RBFOX1: variants seen among roughly 807,000 people sequenced by gnomAD.
RBFOX1 encodes RNA binding fox-1 homolog 1, also known as RNA binding protein fox-1 homolog 1.
RBFOX1 carries 8 observed loss-of-function variants against 57.7 expected under a neutral mutation model. The ratio of observed to expected loss-of-function variants is 0.14; its 90% CI spans 0.08 to 0.25. RBFOX1 has a LOEUF of 0.25. RBFOX1 is among the 10% of genes least tolerant of loss of function. The probability of loss-of-function intolerance (pLI) is 1.00; values close to 1 mark genes in which losing one functional copy is unlikely to be tolerated. For synonymous variants in RBFOX1, 326 were observed against 222.4 expected (o/e 1.47, Z -4.15); for missense variants, 611 against 548.5 (o/e 1.11, Z -1.14).
At chr16:7,158,560 T>C (rs1025401792) in intron 4 of RBFOX1, among the ~76,000 whole-genome samples, 1 of 152,040 alleles carries the variant, frequency 6.6e-6, no homozygotes, top group African/African-American at 2.4e-5. Flanking sequence ...TCTATGTCTG[T>C]GTGGTGTGTG....
At chr16:6,826,855 G>T (rs765011911) in intron 3 of RBFOX1, among the ~76,000 whole-genome samples, 1 of 152,062 alleles carries the variant, frequency 6.6e-6, no homozygotes, top group Admixed American at 6.5e-5. Flanking sequence ...ATCCTCAAAC[G>T]CAGTTGGATG....
chr16:6,050,136 T>C (rs1596699978), intron 1 of RBFOX1, among the ~76,000 whole-genome samples: 2 of 152,176 alleles, frequency 1.3e-5, no homozygotes, highest in African/African-American at 4.8e-5. Flanking sequence ...TTTTTGTACT[T>C]TTTAATAGAG....
intron 4 of RBFOX1, among the ~76,000 whole-genome samples, chr16:7,342,360 G>A (rs2096914622): frequency 6.6e-6 from 1 of 152,142 alleles, no homozygotes; most frequent in East Asian, 1.9e-4. Flanking sequence ...TGGCATCCTG[G>A]CTCCTGTGTG....
At chr16:6,923,006 T>C (rs1342941957) in intron 3 of RBFOX1, among the ~76,000 whole-genome samples, 1 of 152,172 alleles carries the variant, frequency 6.6e-6, no homozygotes, top group Non-Finnish European at 1.5e-5. Context: ...CTTATAAATC[T>C]ATAGGCAGTG....
At chr16:6,394,046 A>G (rs1206449136) in intron 2 of RBFOX1, among the ~76,000 whole-genome samples, 6 of 152,172 alleles carry the variant, frequency 3.9e-5, no homozygotes, top group African/African-American at 7.2e-5. Context: ...CTTATTACCA[A>G]CATGCATAGC....
chr16:6,259,456 T>C (rs1427857234), intron 1 of RBFOX1, among the ~76,000 whole-genome samples: 1 of 152,178 alleles, frequency 6.6e-6, no homozygotes, highest in African/African-American at 2.4e-5. Flanking sequence ...GTGTCCACTT[T>C]CTTCTTTTAA....
intron 5 of RBFOX1, among the ~76,000 whole-genome samples, chr16:7,549,386 C>T (rs2085625560): frequency 6.6e-6 from 1 of 152,132 alleles, no homozygotes; most frequent in African/African-American, 2.4e-5. Context: ...AAGAGGAAGC[C>T]ACTAGAAAGT....
chr16:7,175,319 C>G (rs147909747), intron 4 of RBFOX1, among the ~76,000 whole-genome samples: 101 of 152,190 alleles, frequency 6.6e-4, no homozygotes, highest in Non-Finnish European at 1.1e-3. Flanking sequence ...AATGAAATAA[C>G]CTTCTTCGCC....
intron 3 of RBFOX1, among the ~76,000 whole-genome samples, chr16:6,755,465 A>G (rs1047283470): frequency 4.6e-5 from 7 of 151,968 alleles, no homozygotes; most frequent in African/African-American, 1.7e-4. Context: ...GATGGTGAGC[A>G]TTTTTTCATG....
intron 3 of RBFOX1, among the ~76,000 whole-genome samples, chr16:6,974,932 A>C (rs967492318): frequency 4.6e-5 from 7 of 152,076 alleles, no homozygotes; most frequent in Admixed American, 1.3e-4. Flanking sequence ...CCTCTTTTAA[A>C]ACACTTTTTT....
intron 1 of RBFOX1, among the ~76,000 whole-genome samples, chr16:6,257,198 C>T (rs1301227884): frequency 1.3e-5 from 2 of 152,046 alleles, no homozygotes; most frequent in African/African-American, 4.8e-5. Context: ...GTTTGCTGCA[C>T]CTATGAACCC....
intron 5 of RBFOX1, among the ~76,000 whole-genome samples, chr16:7,559,548 G>A (rs2089790703): frequency 6.6e-6 from 1 of 152,132 alleles, no homozygotes; most frequent in South Asian, 2.1e-4. Context: ...TGCAAATTAA[G>A]AGCAGCCCAA....
chr16:6,619,774 G>T (rs1334116655), intron 2 of RBFOX1, among the ~76,000 whole-genome samples: 1 of 150,282 alleles, frequency 6.7e-6, no homozygotes, highest in Middle Eastern at 3.2e-3. Context: ...CCTGTGTCAT[G>T]GGGACTTGTT....
chr16:6,484,733 G>A (rs2095438104), intron 2 of RBFOX1, among the ~76,000 whole-genome samples: 1 of 152,106 alleles, frequency 6.6e-6, no homozygotes. Flanking sequence ...AGGGCTCCAA[G>A]CAGAATTGTG....
intron 4 of RBFOX1, among the ~76,000 whole-genome samples, chr16:7,272,354 T>G (rs1050705228): frequency 3.3e-5 from 5 of 151,946 alleles, no homozygotes; most frequent in African/African-American, 9.7e-5. Flanking sequence ...CCAGCTAGTT[T>G]TTGTATTTTT....
At chr16:6,585,304 C>T (rs948659638) in intron 2 of RBFOX1, among the ~76,000 whole-genome samples, 56 of 152,288 alleles carry the variant, frequency 3.7e-4, no homozygotes, top group African/African-American at 1.3e-3. Flanking sequence ...TGCAGGGCTG[C>T]CATGAAGCAT....
At chr16:6,861,768 G>C (rs1169975812) in intron 3 of RBFOX1, among the ~76,000 whole-genome samples, 1 of 148,438 alleles carries the variant, frequency 6.7e-6, no homozygotes, top group East Asian at 2.0e-4. Context: ...TAAGTATTTG[G>C]CCAAAGTGTT....
chr16:5,350,284 A>C (rs145666705), intron 1 of RBFOX1, among the ~76,000 whole-genome samples: 212 of 152,296 alleles, frequency 1.4e-3, no homozygotes, highest in Admixed American at 2.4e-3. Context: ...TTTTGGAGAC[A>C]AATGGGGCAT....
At position 7,010,629 on chromosome 16, in the gene RBFOX1, A is replaced by C. The variant is rs116480502; in HGVS notation, c.-15-41428A>C. On this transcript the variant is annotated intron_variant, in intron 3 of 15. Transcript: ENST00000550418. ...TGGTGGAGTGATCTTGGATGACTTA[A>C]ACCAATGGCTCTCTGGTACCGCCTC... is the stretch of plus-strand genomic sequence containing the variant. 9.7e-3 allele frequency among the ~76,000 whole-genome samples: 1,474 copies of C among 152,008 alleles called. 17 individuals carry two copies. Among genetic ancestry groups the C allele is most frequent in the African/African-American group, 0.03 (1,263 of 41,436 alleles).
Sources: gnomAD v4.1 joint callset for allele counts (sites outside exome capture counted in the v4.1 genomes callset) on GRCh38, gnomAD v4.1.1 for gene constraint, MANE v1.5 for transcripts, NCBI Gene and HGNC (gene_info 2026-07-23, HGNC 2026-07-21) for gene names.